The following PNPT1 variants were observed in gnomAD, a reference collection of about 807,000 sequenced individuals.
PNPT1 encodes polyribonucleotide nucleotidyltransferase 1, also known as polyribonucleotide nucleotidyltransferase 1, mitochondrial.
Under a neutral mutation model 119.5 loss-of-function variants are expected in PNPT1, and 53 were observed. The ratio of observed to expected loss-of-function variants is 0.44; its 90% CI spans 0.36 to 0.56. The LOEUF (loss-of-function observed/expected upper bound fraction) is 0.56. Among genes scored for constraint, PNPT1 ranks in the 20% least tolerant of loss-of-function variants. The pLI is 0.00. For synonymous variants in PNPT1, 357 were observed against 322.1 expected, an observed-to-expected ratio of 1.11 and a Z score of -1.16; for missense variants, 948 against 938.5, an observed-to-expected ratio of 1.01 and a Z score of -0.13.
intron 11 of PNPT1, among the ~76,000 whole-genome samples, chr2:55,669,109 C>T (rs1696827063): frequency 6.6e-6 from 1 of 151,916 alleles, no homozygotes; most frequent in Non-Finnish European, 1.5e-5. Flanking sequence ...TTATGATTCC[C>T]ATTCTACAGA....
chr2:55,643,050 G>T, intron 25 of PNPT1, 108 bp downstream of exon 25: 1 of 1,178,700 alleles, frequency 8.5e-7, no homozygotes, highest in Non-Finnish European at 1.2e-6. Flanking sequence ...GGAGTTCAAG[G>T]CAGCTGTGAG....
chr2:55,640,360 G>T (rs997923529), intron 26 of PNPT1, among the ~76,000 whole-genome samples: 4 of 152,152 alleles, frequency 2.6e-5, no homozygotes, highest in Admixed American at 2.6e-4. Flanking sequence ...CACCATGTTG[G>T]TCAGGATGGT....
intron 13 of PNPT1, among the ~76,000 whole-genome samples, chr2:55,665,321 A>G (rs1362324254): frequency 6.6e-6 from 1 of 152,238 alleles, no homozygotes; most frequent in East Asian, 1.9e-4. Context: ...CTAGAAAGCT[A>G]ATAGAAAAAG....
chr2:55,658,002 C>A (rs1696444622), intron 15 of PNPT1, among the ~76,000 whole-genome samples: 3 of 149,714 alleles, frequency 2.0e-5, no homozygotes, highest in Admixed American at 6.7e-5. Flanking sequence ...CTTTGGGAGG[C>A]TGAGGCAGGC....
At chr2:55,648,607 T>A (rs1302988371) in intron 18 of PNPT1, among the ~76,000 whole-genome samples, 1 of 152,226 alleles carries the variant, frequency 6.6e-6, no homozygotes, top group African/African-American at 2.4e-5. Flanking sequence ...ATAAACCTAT[T>A]TATATGTCTT....
chr2:55,679,610 T>A, intron 8 of PNPT1, 72 bp downstream of exon 8: 1 of 1,113,988 alleles, frequency 9.0e-7, no homozygotes, highest in East Asian at 2.4e-5. Context: ...ACACACAGAG[T>A]TTAAATTCAG....
In PNPT1 at chr2:55,682,473, T is replaced by A. The variant is rs569834743; in HGVS notation, c.453+1312A>T. On this transcript the variant is annotated intron_variant, in intron 5 of 27. Transcript: ENST00000447944. ...GAGACTCTGTCTCAAAAAAAAAAAA[T>A]TTCTGTTTATAAGCATAGATGAAAC... Among the ~76,000 whole-genome samples the A allele has an allele frequency of 4.0e-4, 60 of 151,598 alleles. No individual in the cohort carries two copies. The East Asian group carries it at 9.7e-3, about 25-fold the overall frequency.
At chr2:55,690,480 T>C (rs1697561963) in intron 1 of PNPT1, among the ~76,000 whole-genome samples, 1 of 152,218 alleles carries the variant, frequency 6.6e-6, no homozygotes, top group African/African-American at 2.4e-5. Flanking sequence ...GTAAGATTAT[T>C]CTGTCTTTCA....
intron 8 of PNPT1, among the ~76,000 whole-genome samples, chr2:55,674,704 G>A (rs1697011426): frequency 1.3e-5 from 2 of 152,188 alleles, no homozygotes; most frequent in Admixed American, 6.5e-5. Flanking sequence ...AGCAAAAATT[G>A]TAACACTGCC....
chr2:55,637,686 A>C (rs1285652583), intron 26 of PNPT1, 87 bp from the exon 27 acceptor site: 2 of 1,173,302 alleles, frequency 1.7e-6, no homozygotes, highest in Middle Eastern at 2.1e-4. Context: ...AAGCTTTATT[A>C]GTTTTTCTGA....
At chr2:55,674,657 T>G (rs1377522115) in intron 8 of PNPT1, among the ~76,000 whole-genome samples, 1 of 152,208 alleles carries the variant, frequency 6.6e-6, no homozygotes, top group Non-Finnish European at 1.5e-5. Context: ...TCTTTCCCTC[T>G]TGAGTTTTCT....
Position 55,673,033 on chromosome 2 carries a change from G to A in PNPT1, c.726C>T (p.Cys242=). 6.2e-7 allele frequency: 1 copy of A among 1,611,474 alleles called. No individual in the cohort carries two copies. The highest frequency in any genetic ancestry group is 8.5e-7 in the Non-Finnish European group (1 of 1,179,394). Residue 242 remains cysteine, a synonymous_variant, in exon 9 of 28, where the codon TGC becomes TGT. Transcript: ENST00000447944. Reference sequence around the variant, plus strand: ...ATTTCACTCCCACTTTGATAGCATGGCAAAAGTCCTGCTGTAAAATGTTCT... The same window carrying A: ...ATTTCACTCCCACTTTGATAGCATGACAAAAGTCCTGCTGTAAAATGTTCT... ...SAENILQQDF[C]HAIKVGVKYT...
At chr2:55,674,544 G>C (rs903567393) in intron 8 of PNPT1, among the ~76,000 whole-genome samples, 3 of 152,152 alleles carry the variant, frequency 2.0e-5, no homozygotes, top group Non-Finnish European at 4.4e-5. Context: ...AGTGAGCTGA[G>C]ATCACGCCAC....
intron 4 of PNPT1, 35 bp from the exon 5 acceptor site, chr2:55,683,869 T>C (rs2104168879): frequency 6.2e-7 from 1 of 1,600,130 alleles, no homozygotes; most frequent in Non-Finnish European, 8.5e-7. Context: ...TAAACCGTAC[T>C]GACAGAGTTG....
At chr2:55,660,535 A>T (rs939660849) in intron 14 of PNPT1, among the ~76,000 whole-genome samples, 4 of 152,230 alleles carry the variant, frequency 2.6e-5, no homozygotes, top group African/African-American at 9.6e-5. Context: ...TAAATCTCAG[A>T]GCTACAATGC....
intron 8 of PNPT1, among the ~76,000 whole-genome samples, chr2:55,673,735 T>G (rs1252502226): frequency 1.3e-5 from 2 of 151,910 alleles, no homozygotes; most frequent in African/African-American, 4.8e-5. Flanking sequence ...CGTGAGCCAC[T>G]GTGCCTGGCA....
chr2:55,662,937 G>A (rs1675621713), intron 13 of PNPT1, among the ~76,000 whole-genome samples: 1 of 150,572 alleles, frequency 6.6e-6, no homozygotes, highest in Admixed American at 6.6e-5. Flanking sequence ...CTGGAGTACA[G>A]TGGCACGATC....
chr2:55,647,551 G>C, intron 18 of PNPT1, 98 bp from the exon 19 acceptor site: 1 of 814,508 alleles, frequency 1.2e-6, no homozygotes, highest in Non-Finnish European at 1.9e-6. Context: ...AGGGAGTCTC[G>C]GTCTGTTGCC....
chr2:55,683,687 T>C, intron 5 of PNPT1, 98 bp downstream of exon 5: 1 of 1,123,754 alleles, frequency 8.9e-7, no homozygotes, highest in Non-Finnish European at 1.3e-6. Context: ...TAAAAAATTC[T>C]TATGTTCTTT....
Sources: allele counts gnomAD v4.1 joint callset (sites outside exome capture counted in the v4.1 genomes callset), GRCh38; gene constraint gnomAD v4.1.1; transcripts MANE v1.5; gene names NCBI Gene and HGNC (gene_info 2026-07-23, HGNC 2026-07-21).